The following PMP2 variants were observed in gnomAD, a reference collection of about 807,000 sequenced individuals.
PMP2 encodes the protein peripheral myelin protein 2, also known as myelin P2 protein.
A neutral mutation model predicts 15.9 loss-of-function variants in PMP2; 11 were observed. That is an observed-to-expected ratio of 0.69 (90% confidence interval 0.44 to 1.14). The LOEUF (loss-of-function observed/expected upper bound fraction) is 1.14, where lower values mean the gene tolerates loss of function less well. Ranked by LOEUF, PMP2 falls within the 50% of genes most tolerant of loss-of-function variation. The pLI, the probability that PMP2 is intolerant of heterozygous loss-of-function variation, is 0.00. For missense variants in PMP2, 151 were observed against 154.0 expected, an observed-to-expected ratio of 0.98 and a Z score of 0.10; for synonymous variants, 55 against 54.1, an observed-to-expected ratio of 1.02 and a Z score of -0.07.
Position 81,441,006 on chromosome 8 carries a change from A to G in PMP2, c.*2392T>C, listed in dbSNP as rs1156495743. 1 of 152,188 alleles carries G rather than the reference A, an allele frequency of 6.6e-6. No individual in the cohort carries two copies. Among genetic ancestry groups the G allele is most frequent in the Admixed American group, 6.5e-5 (1 of 15,284 alleles). 9.4% of individuals were successfully genotyped at this position (152,188 alleles called of 1,614,324 possible). A position where few individuals can be genotyped will look rare whatever the true frequency, so the allele number is the denominator to read the frequency against. ...TTACCTCTGGTACAGAATCCAGTCT[A>G]GTATTACTTACTATGTTTAGTTGTC... On this transcript the variant is annotated 3_prime_UTR_variant, in exon 4 of 4. Transcript: ENST00000256103.
In PMP2 at chr8:81,445,761, A is replaced by G. The variant is rs137990882; in HGVS notation, c.74-772T>C. ...CCTCAATACCATATTATGGATATAGAGAAGTATTCCCCTCATATTTTTGAT... is the reference window on the plus strand; with the variant it reads ...CCTCAATACCATATTATGGATATAGGGAAGTATTCCCCTCATATTTTTGAT... On this transcript the variant is annotated intron_variant, in intron 1 of 3. Coordinates refer to ENST00000256103, the MANE Select transcript of PMP2 (RefSeq NM_002677.5). Among the ~76,000 whole-genome samples, 295 of 152,336 alleles carry G rather than the reference A, an allele frequency of 1.9e-3. 2 individuals carry two copies. Among genetic ancestry groups the G allele is most frequent in the African/African-American group, 6.0e-3 (251 of 41,590 alleles).
rs1415457859 is a variant in PMP2 at position 81,443,305 on chromosome 8, A to G, written c.*93T>C. On this transcript the variant is annotated 3_prime_UTR_variant, in exon 4 of 4. Coordinates refer to ENST00000256103, the MANE Select transcript of PMP2 (RefSeq NM_002677.5). ...CTGATATATTAAGACAAAAGCAAAA[A>G]CAAATATTTGCAGTGTATTCAGTTT... is the stretch of plus-strand genomic sequence containing the variant. 1.2e-6 allele frequency: 1 copy of G among 827,426 alleles called. No individual in the cohort carries two copies. Among genetic ancestry groups the G allele is most frequent in the African/African-American group, 1.7e-5 (1 of 57,552 alleles). The allele number at this position is 827,426 out of a possible 1,614,324, so 51.3% of individuals were successfully genotyped here. A position where few individuals can be genotyped will look rare whatever the true frequency, so the allele number is the denominator to read the frequency against.
chr8:81,444,564 A>G lies in PMP2; in HGVS notation c.284T>C (p.Val95Ala), dbSNP rs1402585604. 6.2e-7 allele frequency: 1 copy of G among 1,614,072 alleles called. No homozygotes were observed. The highest frequency in any genetic ancestry group is 1.7e-5 in the Admixed American group (1 of 60,020). Residue 95 changes from valine (V) to alanine (A), a missense_variant, in exon 3 of 4, where the codon GTG (valine) becomes GCG (alanine). Physicochemically the swap from Val to Ala is moderately conservative, Grantham distance 64. Coordinates refer to ENST00000256103, the MANE Select transcript of PMP2 (RefSeq NM_002677.5). ...TGTCTCTTTGCCATCCCATCTCTGC[A>G]CTTGATTCAGTGATCCTCTCTGCAG... ...VTLQRGSLNQ[V>A]QRWDGKETTI...
intron 1 of PMP2, among the ~76,000 whole-genome samples, chr8:81,446,013 A>T (rs1186397590): frequency 2.0e-5 from 3 of 152,208 alleles, no homozygotes; most frequent in Non-Finnish European, 2.9e-5. Flanking sequence ...AAAATAAAAA[A>T]TATATGAAAG....
rs1486403882 is a variant in PMP2, at chr8:81,444,831, T to G, written c.232A>C (p.Asn78His). 1 of 1,613,378 alleles carries G rather than the reference T, an allele frequency of 6.2e-7. No individual in the cohort carries two copies. The highest frequency in any genetic ancestry group is 1.3e-5 in the African/African-American group (1 of 74,796). The change falls in exon 2 of 4, where the codon AAT (asparagine) becomes CAT (histidine). Residue 78 changes from asparagine (N) to histidine (H), a missense_variant. Coordinates refer to ENST00000256103, the MANE Select transcript of PMP2 (RefSeq NM_002677.5). ...TTAAAGATTACCTTGGTCTTTCTATTGTCAGCTGTGGTTTCTTCAAATTCC... is the reference window on the plus strand; with the variant it reads ...TTAAAGATTACCTTGGTCTTTCTATGGTCAGCTGTGGTTTCTTCAAATTCC... The part of the protein sequence containing the change: ...GQEFEETTAD[N>H]RKTKSIVTLQ...
chr8:81,442,011 T>C lies in PMP2; in HGVS notation c.*1387A>G, dbSNP rs1807358878. On this transcript the variant is annotated 3_prime_UTR_variant, in exon 4 of 4. Transcript: ENST00000256103. ...CATTTTGGCAGATAGGATTAGTAAA[T>C]ATATGCATGTGTATACACACACGCA... The C allele has an allele frequency of 6.6e-6, 1 of 152,104 alleles. No homozygotes were observed. Among genetic ancestry groups the C allele is most frequent in the Admixed American group, 6.5e-5 (1 of 15,270 alleles). The allele number at this position is 152,104 out of a possible 1,614,324, so 9.4% of individuals were successfully genotyped here.
At chr8:81,444,692 A>G in intron 2 of PMP2, 91 bp from the exon 3 acceptor site, 1 of 1,340,786 alleles carries the variant, frequency 7.5e-7, no homozygotes, top group Non-Finnish European at 1.1e-6. Flanking sequence ...CATAATAGAT[A>G]TAGATGTCTC....
rs970128857 is a variant in PMP2 at position 81,440,849 on chromosome 8, T to A, written c.*2549A>T. On this transcript the variant is annotated 3_prime_UTR_variant, in exon 4 of 4. Transcript: ENST00000256103. Reference sequence around the variant, plus strand: ...ATTGCATACATTATGGCCCTTTACCTCAAAATACTTTATTGTGTATTTTCC... The same window carrying A: ...ATTGCATACATTATGGCCCTTTACCACAAAATACTTTATTGTGTATTTTCC... 14 of 152,210 alleles carry A rather than the reference T, an allele frequency of 9.2e-5. No homozygotes were observed. The highest frequency in any genetic ancestry group is 2.9e-4 in the African/African-American group (12 of 41,458). 9.4% of individuals were successfully genotyped at this position (152,210 alleles called of 1,614,324 possible). A position where few individuals can be genotyped will look rare whatever the true frequency, so the allele number is the denominator to read the frequency against.
Position 81,441,117 on chromosome 8 carries a change from C to T in PMP2, c.*2281G>A, listed in dbSNP as rs551227625. On this transcript the variant is annotated 3_prime_UTR_variant, in exon 4 of 4. Transcript: ENST00000256103. ...CATTGACATTTTTGAAGAATTCAGTCAAAACCCCCTGTCGTTTCTGGTTGT... is the reference window on the plus strand; with the variant it reads ...CATTGACATTTTTGAAGAATTCAGTTAAAACCCCCTGTCGTTTCTGGTTGT... 1.3e-5 allele frequency: 2 copies of T among 152,176 alleles called. No individual in the cohort carries two copies. The highest frequency in any genetic ancestry group is 1.9e-4 in the East Asian group (1 of 5,188). The allele number at this position is 152,176 out of a possible 1,614,324, so 9.4% of individuals were successfully genotyped here.
At position 81,444,762 on chromosome 8, in the gene PMP2, C is replaced by CCT; in HGVS notation, c.246+53_246+54dup. 3 of 1,513,400 alleles carry CCT rather than the reference C, an allele frequency of 2.0e-6. No homozygotes were observed. In the Admixed American group the frequency reaches 5.3e-5, roughly 27 times the overall value. 93.7% of individuals were successfully genotyped at this position (1,513,400 alleles called of 1,614,324 possible). A position where few individuals can be genotyped will look rare whatever the true frequency, so the allele number is the denominator to read the frequency against. ...ACCCTTTTACACTAGCAGGAATATT[C>CCT]CTCTCTCTCAAGCAGCCCACTGGGC... On this transcript the variant is annotated intron_variant, in intron 2 of 3. Transcript: ENST00000256103.
intron 3 of PMP2, 135 bp from the exon 4 acceptor site, chr8:81,443,583 C>T: frequency 1.9e-6 from 1 of 519,142 alleles, no homozygotes; most frequent in East Asian, 3.2e-5. Flanking sequence ...TGTCAGTCTC[C>T]AGTAATTCAG....
At chr8:81,444,698 GTC>G (rs1246629163) in intron 2 of PMP2, 97 bp from the exon 3 acceptor site, 26 of 1,302,630 alleles carry the variant, frequency 2.0e-5, no homozygotes, top group Non-Finnish European at 2.7e-5. Flanking sequence ...AGATATAGAT[GTC>G]TCAGGAGGTA....
chr8:81,442,138 T>C lies in PMP2; in HGVS notation c.*1260A>G, dbSNP rs572478761. On this transcript the variant is annotated 3_prime_UTR_variant, in exon 4 of 4. Coordinates refer to ENST00000256103, the MANE Select transcript of PMP2 (RefSeq NM_002677.5). The stretch of plus-strand genomic sequence containing the variant: ...ATATACATGGTTTAGAAATTATGAA[T>C]TTATACCAATTCTATTCCATTTCCA... 2 of 152,246 alleles carry C rather than the reference T, an allele frequency of 1.3e-5. No homozygotes were observed. Among genetic ancestry groups the C allele is most frequent in the Admixed American group, 6.5e-5 (1 of 15,296 alleles). 9.4% of individuals were successfully genotyped at this position (152,246 alleles called of 1,614,324 possible).
rs1174541898 is a variant in PMP2, at chr8:81,442,266, A to C, written c.*1132T>G. ...CATCAACATGTTTTCTCATTTGCTC[A>C]ATCATATAATACATCTGAAATAGTT... is the stretch of plus-strand genomic sequence containing the variant. On this transcript the variant is annotated 3_prime_UTR_variant, in exon 4 of 4. Transcript: ENST00000256103. 6.6e-6 allele frequency: 1 copy of C among 152,532 alleles called. No homozygotes were observed. Among genetic ancestry groups the C allele is most frequent in the Non-Finnish European group, 1.5e-5 (1 of 67,968 alleles). 9.4% of individuals were successfully genotyped at this position (152,532 alleles called of 1,614,324 possible).
chr8:81,445,448 C>T (rs184161463), intron 1 of PMP2, among the ~76,000 whole-genome samples: 31 of 152,264 alleles, frequency 2.0e-4, no homozygotes, highest in African/African-American at 7.2e-4. Flanking sequence ...TGGTCTCGAT[C>T]TCCTGACCTC....
At chr8:81,446,812 T>C (rs1178611878) in intron 1 of PMP2, among the ~76,000 whole-genome samples, 4 of 152,220 alleles carry the variant, frequency 2.6e-5, no homozygotes, top group Admixed American at 2.6e-4. Flanking sequence ...TTTTTGTTTT[T>C]CAAACTCTCT....
At position 81,444,804 on chromosome 8, in the gene PMP2, C is replaced by T. The variant is rs907928992; in HGVS notation, c.246+13G>A. The T allele has an allele frequency of 6.2e-7, 1 of 1,611,298 alleles. No individual in the cohort carries two copies. Among genetic ancestry groups the T allele is most frequent in the African/African-American group, 1.3e-5 (1 of 74,542 alleles). On this transcript the variant is annotated intron_variant, in intron 2 of 3. Coordinates refer to ENST00000256103, the MANE Select transcript of PMP2 (RefSeq NM_002677.5). ...CCACTGGGCCAACTTTGAAGAGAAA[C>T]ATTAAAGATTACCTTGGTCTTTCTA...
Position 81,444,529 on chromosome 8 carries a change from T to C in PMP2, c.319A>G (p.Arg107Gly), listed in dbSNP as rs778749709. The C allele has an allele frequency of 3.7e-6, 6 of 1,613,366 alleles. No homozygotes were observed. The highest frequency in any genetic ancestry group is 1.6e-4 in the Middle Eastern group (1 of 6,062). Reference protein sequence around the residue: ...RWDGKETTIKRKLVNGKMVAE... With the variant: ...RWDGKETTIKGKLVNGKMVAE... Reference sequence around the variant, plus strand: ...ACCATTTTCCCATTCACTAGCTTTCTCTTTATGGTTGTCTCTTTGCCATCC... The same window carrying C: ...ACCATTTTCCCATTCACTAGCTTTCCCTTTATGGTTGTCTCTTTGCCATCC... The change falls in exon 3 of 4, where the codon AGA becomes GGA. Residue 107 changes from arginine (R) to glycine (G), a missense_variant. By Grantham distance (125) the Arg-to-Gly change is moderately radical (BLOSUM62 -2). Coordinates refer to ENST00000256103, the MANE Select transcript of PMP2 (RefSeq NM_002677.5).
At position 81,447,434 on chromosome 8, in the gene PMP2, T is replaced by G; in HGVS notation, c.-48A>C. The G allele has an allele frequency of 6.9e-7, 1 of 1,454,998 alleles. No individual in the cohort carries two copies. Among genetic ancestry groups the G allele is most frequent in the African/African-American group, 1.4e-5 (1 of 71,874 alleles). 90.1% of individuals were successfully genotyped at this position (1,454,998 alleles called of 1,614,324 possible). A position where few individuals can be genotyped will look rare whatever the true frequency, so the allele number is the denominator to read the frequency against. On this transcript the variant is annotated 5_prime_UTR_variant, in exon 1 of 4. Coordinates refer to ENST00000256103, the MANE Select transcript of PMP2 (RefSeq NM_002677.5). ...CAGTTCTAAGTGGGATTCAGAAGAC[T>G]CAGATAAAATGCTGAGGCCTCAGAA...
Sources: gnomAD v4.1 joint callset for allele counts (sites outside exome capture counted in the v4.1 genomes callset) on GRCh38, gnomAD v4.1.1 for gene constraint, MANE v1.5 for transcripts, NCBI Gene and HGNC (gene_info 2026-07-23, HGNC 2026-07-21) for gene names.